POLD3: variants seen among roughly 807,000 people sequenced by gnomAD.
POLD3 encodes DNA polymerase delta subunit 3.
In POLD3, 19 loss-of-function variants were observed where a neutral mutation model predicts 58.2. The observed-to-expected ratio is 0.33, with a 90% CI of 0.23 to 0.48. POLD3 has a LOEUF of 0.48. Ranked by LOEUF, POLD3 falls within the 20% of genes least tolerant of loss-of-function variation. The pLI is 0.99. For missense variants in POLD3, 504 were observed against 545.5 expected (o/e 0.92, Z 0.76); for synonymous variants, 172 against 193.5 (o/e 0.89, Z 0.92).
chr11:74,651,583 C>A (rs544812159), intron 4 of POLD3, among the ~76,000 whole-genome samples: 1 of 152,232 alleles, frequency 6.6e-6, no homozygotes, highest in African/African-American at 2.4e-5. Context: ...AGGAGAAAAA[C>A]CACACAGGAG....
Position 74,612,999 on chromosome 11 carries a change from G to T in POLD3, c.381G>T (p.Gln127His). The T allele has an allele frequency of 6.2e-7, 1 of 1,609,566 alleles. No homozygotes were observed. Among genetic ancestry groups the T allele is most frequent in the Middle Eastern group, 1.7e-4 (1 of 6,048 alleles). Reference sequence around the variant, plus strand: ...ATGACATCCTTAAAAGCAACTTGCAGAACTGCAGCAAGTAAGCGTCTTAAT... The same window carrying T: ...ATGACATCCTTAAAAGCAACTTGCATAACTGCAGCAAGTAAGCGTCTTAAT... Reference protein sequence around the residue: ...TDYDILKSNLQNCSKFSAIQC... With the variant: ...TDYDILKSNLHNCSKFSAIQC... Residue 127 changes from glutamine to histidine, a missense_variant, in exon 5 of 12, where the codon CAG (glutamine) becomes CAT (histidine). By Grantham distance (24) the Gln-to-His change is conservative. Transcript: ENST00000263681.
At chr11:74,628,974 T>G in intron 8 of POLD3, 2 of 317,236 alleles carry the variant, frequency 6.3e-6, no homozygotes, top group Middle Eastern at 1.4e-3. Flanking sequence ...ATAACCTGGT[T>G]GTAGCTTCCA....
At position 74,604,794 on chromosome 11, in the gene POLD3, C is replaced by T. The variant is rs752974193; in HGVS notation, c.219C>T (p.Ser73=). Residue 73 remains serine (S), a splice_region_variant and synonymous_variant, in exon 3 of 12, where the codon TCC becomes TCT. Transcript: ENST00000263681. ...VSGSLIQNGH[S]CHKVAVVRED... ...GCAGTCTCATTCAGAATGGACATTCCGTAAGTTCTCAGAGCCTTGTAATGA... is the reference window on the plus strand; with the variant it reads ...GCAGTCTCATTCAGAATGGACATTCTGTAAGTTCTCAGAGCCTTGTAATGA... 2.3e-5 allele frequency: 35 copies of T among 1,521,296 alleles called. No homozygotes were observed. The highest frequency in any genetic ancestry group is 1.5e-5 in the Non-Finnish European group (16 of 1,095,304). 94.2% of individuals were successfully genotyped at this position (1,521,296 alleles called of 1,614,324 possible). A position where few individuals can be genotyped will look rare whatever the true frequency, so the allele number is the denominator to read the frequency against.
intron 9 of POLD3, among the ~76,000 whole-genome samples, chr11:74,630,731 T>C (rs1467150799): frequency 6.6e-6 from 1 of 152,196 alleles, no homozygotes; most frequent in Non-Finnish European, 1.5e-5. Flanking sequence ...CTATTTCCAA[T>C]CAGTAAAAGA....
chr11:74,612,536 T>C (rs1315131380), intron 4 of POLD3, among the ~76,000 whole-genome samples: 1 of 152,242 alleles, frequency 6.6e-6, no homozygotes, highest in Non-Finnish European at 1.5e-5. Flanking sequence ...AATTACTTAG[T>C]ACTCTTTAAT....
At chr11:74,627,401 CAA>C (rs1247930506) in intron 8 of POLD3, among the ~76,000 whole-genome samples, 4 of 152,162 alleles carry the variant, frequency 2.6e-5, no homozygotes, top group Admixed American at 2.0e-4. Flanking sequence ...TGTGTTATTA[CAA>C]AAGAGCCAAA....
At chr11:74,612,709 T>C (rs916036728) in intron 4 of POLD3, among the ~76,000 whole-genome samples, 169 bp from the exon 5 acceptor site, 8 of 152,222 alleles carry the variant, frequency 5.3e-5, no homozygotes, top group African/African-American at 1.7e-4. Flanking sequence ...AATGTCCCCA[T>C]TGCAGACAGA....
chr11:74,635,458 G>A (rs867500670), intron 10 of POLD3, among the ~76,000 whole-genome samples: 10 of 152,202 alleles, frequency 6.6e-5, no homozygotes, highest in Middle Eastern at 3.2e-3. Flanking sequence ...GGAAGGCTGA[G>A]GTGGGCAGAA....
At chr11:74,599,338 T>A (rs994851691) in intron 2 of POLD3, among the ~76,000 whole-genome samples, 1 of 151,344 alleles carries the variant, frequency 6.6e-6, no homozygotes, top group African/African-American at 2.4e-5. Flanking sequence ...GGCCTCACTA[T>A]AGTATTTTCA....
At chr11:74,667,796 G>A (rs1455988693) in intron 4 of POLD3, among the ~76,000 whole-genome samples, 4 of 152,090 alleles carry the variant, frequency 2.6e-5, no homozygotes, top group Non-Finnish European at 4.4e-5. Context: ...CAGAAAGGGC[G>A]AAAATATTTG....
chr11:74,603,039 A>T (rs2135122837), intron 2 of POLD3, among the ~76,000 whole-genome samples: 1 of 152,228 alleles, frequency 6.6e-6, no homozygotes, highest in African/African-American at 2.4e-5. Flanking sequence ...GTTTCCATAG[A>T]CTTACTGTCA....
intron 7 of POLD3, among the ~76,000 whole-genome samples, chr11:74,620,726 C>T (rs1442030487): frequency 6.6e-6 from 1 of 152,176 alleles, no homozygotes; most frequent in Non-Finnish European, 1.5e-5. Flanking sequence ...ATCAAGTGTA[C>T]ATCCCCTGAG....
intron 11 of POLD3, chr11:74,638,693 T>G (rs1176034729): frequency 4.4e-6 from 2 of 455,972 alleles, no homozygotes; most frequent in Admixed American, 4.7e-5. Context: ...GCCATGGGAA[T>G]TCTCTAATTA....
intron 3 of POLD3, among the ~76,000 whole-genome samples, chr11:74,608,186 G>A (rs1442356161): frequency 6.6e-6 from 1 of 152,188 alleles, no homozygotes; most frequent in African/African-American, 2.4e-5. Flanking sequence ...TTACAAAATG[G>A]TGATGTTTTG....
At chr11:74,612,596 G>T (rs1254099543) in intron 4 of POLD3, among the ~76,000 whole-genome samples, 1 of 152,090 alleles carries the variant, frequency 6.6e-6, no homozygotes, top group Admixed American at 6.6e-5. Flanking sequence ...AAAGATCATC[G>T]TAGTCATCAT....
At chr11:74,594,187 C>A in intron 2 of POLD3, 71 bp downstream of exon 2, 1 of 893,678 alleles carries the variant, frequency 1.1e-6, no homozygotes, top group Non-Finnish European at 1.9e-6. Context: ...TTGCTTTTAA[C>A]TCTACAGATA....
At chr11:74,610,477 G>A (rs2031873255) in intron 3 of POLD3, among the ~76,000 whole-genome samples, 2 of 152,150 alleles carry the variant, frequency 1.3e-5, no homozygotes, top group African/African-American at 2.4e-5. Flanking sequence ...CCAAAGTACT[G>A]GGATTACAGG....
intron 5 of POLD3, among the ~76,000 whole-genome samples, chr11:74,615,604 A>G (rs1480892892): frequency 6.6e-6 from 1 of 152,196 alleles, no homozygotes; most frequent in Non-Finnish European, 1.5e-5. Flanking sequence ...GGTGGTAGCT[A>G]AGGAGGGATT....
Position 74,642,915 on chromosome 11 carries a change from T to G in POLD3, c.*2149T>G. 2 of 985,372 alleles carry G rather than the reference T, an allele frequency of 2.0e-6. No homozygotes were observed. Among genetic ancestry groups the G allele is most frequent in the Non-Finnish European group, 2.4e-6 (2 of 829,890 alleles). 61.0% of individuals were successfully genotyped at this position (985,372 alleles called of 1,614,324 possible). On this transcript the variant is annotated 3_prime_UTR_variant, in exon 12 of 12. Coordinates refer to ENST00000263681, the MANE Select transcript of POLD3 (RefSeq NM_006591.3). ...TTTTCAGCACTGGGGAAATGTTAGT[T>G]TCAGCCAACCTCATTTTTTAGTTCA...
Sources: gnomAD v4.1 joint callset for allele counts (sites outside exome capture counted in the v4.1 genomes callset) on GRCh38, gnomAD v4.1.1 for gene constraint, MANE v1.5 for transcripts, NCBI Gene and HGNC (gene_info 2026-07-23, HGNC 2026-07-21) for gene names.